ITSN1: variants seen among roughly 807,000 people sequenced by gnomAD.
ITSN1 encodes intersectin-1.
Under a neutral mutation model 239.8 loss-of-function variants are expected in ITSN1, and 58 were observed. The ratio of observed to expected loss-of-function variants is 0.24; its 90% CI spans 0.20 to 0.30. The LOEUF is 0.30. Among genes scored for constraint, ITSN1 ranks in the 10% least tolerant of loss-of-function variants. ITSN1 has a pLI of 1.00. For missense variants in ITSN1, 1,558 were observed against 2,103.3 expected (o/e 0.74, Z 5.07); for synonymous variants, 780 against 770.8 (o/e 1.01, Z -0.20).
intron 19 of ITSN1, among the ~76,000 whole-genome samples, chr21:33,802,224 GT>G (rs1178623106): frequency 6.6e-6 from 1 of 152,190 alleles, no homozygotes; most frequent in African/African-American, 2.4e-5. Flanking sequence ...CAGGTGATCT[GT>G]ATCTTAATGA....
chr21:33,694,641 C>T lies in ITSN1; in HGVS notation c.-32-24156C>T, dbSNP rs370744996. On this transcript the variant is annotated intron_variant, in intron 1 of 39. Coordinates refer to ENST00000381318, the MANE Select transcript of ITSN1 (RefSeq NM_003024.3). ...TTCAAAACCAGCCTGGCCAACATGG[C>T]GAAACCCCGTCTCTACTAAAAATAC... Among the ~76,000 whole-genome samples the T allele has an allele frequency of 6.7e-3, 1,019 of 151,962 alleles. 7 individuals are homozygous for T. Among genetic ancestry groups the T allele is most frequent in the Non-Finnish European group, 0.01 (699 of 67,916 alleles).
intron 22 of ITSN1, among the ~76,000 whole-genome samples, chr21:33,815,959 G>A (rs1384250192): frequency 6.6e-6 from 1 of 152,064 alleles, no homozygotes; most frequent in Non-Finnish European, 1.5e-5. Flanking sequence ...AGGCAGGCAG[G>A]TCACCTGAAA....
intron 9 of ITSN1, among the ~76,000 whole-genome samples, chr21:33,762,545 G>A (rs185367815): frequency 6.6e-6 from 1 of 152,136 alleles, no homozygotes; most frequent in Non-Finnish European, 1.5e-5. Context: ...AATTACAGGC[G>A]TGAGCCACCA....
At chr21:33,876,076 CT>C (rs1203357284) in intron 34 of ITSN1, among the ~76,000 whole-genome samples, 1 of 151,508 alleles carries the variant, frequency 6.6e-6, no homozygotes, top group Non-Finnish European at 1.5e-5. Context: ...CTCTTTCTCC[CT>C]TTTTCTTTCC....
At chr21:33,859,139 G>A (rs929592178) in intron 31 of ITSN1, among the ~76,000 whole-genome samples, 1 of 152,150 alleles carries the variant, frequency 6.6e-6, no homozygotes, top group Admixed American at 6.5e-5. Flanking sequence ...GCTTTCCCTC[G>A]GACGCGGGAT....
Position 33,772,195 on chromosome 21 carries a change from A to T in ITSN1, c.1177A>T (p.Arg393Trp). 1 of 1,613,960 alleles carries T rather than the reference A, an allele frequency of 6.2e-7. No individual in the cohort carries two copies. Among genetic ancestry groups the T allele is most frequent in the Non-Finnish European group, 8.5e-7 (1 of 1,179,924 alleles). Residue 393 changes from arginine to tryptophan, a missense_variant, in exon 12 of 40, where the codon AGG becomes TGG. Physicochemically the swap from Arg to Trp is moderately radical, Grantham distance 101. Transcript: ENST00000381318. The part of the protein sequence containing the change: ...LAQLERAEQE[R>W]KERERQEQER... ...CCAGCTGGAGCGGGCGGAGCAGGAG[A>T]GGAAGGAGCGTGAGCGCCAGGAGCA...
chr21:33,666,733 T>C (rs1017281855), intron 1 of ITSN1, among the ~76,000 whole-genome samples: 1 of 152,240 alleles, frequency 6.6e-6, no homozygotes, highest in African/African-American at 2.4e-5. Context: ...CCTTATGACC[T>C]TTTCAAAGGG....
At chr21:33,755,715 G>C (rs138075153) in intron 8 of ITSN1, among the ~76,000 whole-genome samples, 17 of 152,312 alleles carry the variant, frequency 1.1e-4, no homozygotes, top group Admixed American at 7.2e-4. Flanking sequence ...CTGAAGTCCA[G>C]CTTTGAACTT....
At chr21:33,796,714 G>A (rs1569198345) in intron 17 of ITSN1, among the ~76,000 whole-genome samples, 1 of 152,170 alleles carries the variant, frequency 6.6e-6, no homozygotes. Context: ...GCAGTTTAAA[G>A]GAGTTAATAT....
chr21:33,669,433 T>C (rs1329608381), intron 1 of ITSN1, among the ~76,000 whole-genome samples: 1 of 149,322 alleles, frequency 6.7e-6, no homozygotes, highest in Non-Finnish European at 1.5e-5. Context: ...CAATACTTTT[T>C]TCATTTAAGT....
chr21:33,811,041 T>C lies in ITSN1; in HGVS notation c.2386T>C (p.Phe796Leu). The part of the protein sequence containing the change: ...GGELKGKTGW[F>L]PANYAEKIPE... Reference sequence around the variant, plus strand: ...AGAATTAAAAGGAAAGACAGGGTGGTTCCCTGCAAACTATGCAGAGAAAAT... The same window carrying C: ...AGAATTAAAAGGAAAGACAGGGTGGCTCCCTGCAAACTATGCAGAGAAAAT... Residue 796 changes from phenylalanine (F) to leucine (L), a missense_variant, in exon 21 of 40, where the codon TTC becomes CTC. By Grantham distance (22) the Phe-to-Leu change is conservative. Transcript: ENST00000381318. 1 of 1,614,096 alleles carries C rather than the reference T, an allele frequency of 6.2e-7. No homozygotes were observed. The highest frequency in any genetic ancestry group is 8.5e-7 in the Non-Finnish European group (1 of 1,180,002).
chr21:33,874,112 C>G (rs1434614516), intron 33 of ITSN1, among the ~76,000 whole-genome samples: 1 of 146,076 alleles, frequency 6.8e-6, no homozygotes, highest in Non-Finnish European at 1.5e-5. Context: ...GCCGAGATAG[C>G]GCCACTGCAT....
At chr21:33,861,964 T>A (rs374771394) in intron 31 of ITSN1, among the ~76,000 whole-genome samples, 29 of 19,534 alleles carry the variant, frequency 1.5e-3, no homozygotes, top group Admixed American at 2.4e-3. Flanking sequence ...AATAAATAAA[T>A]AAATAAAAAA....
At position 33,865,298 on chromosome 21, in the gene ITSN1, G is replaced by A. The variant is rs779781593; in HGVS notation, c.4038G>A (p.Lys1346=). 1.9e-6 allele frequency: 3 copies of A among 1,589,198 alleles called. No individual in the cohort carries two copies. The South Asian group carries it at 3.4e-5, about 18-fold the overall frequency. Reference sequence around the variant, plus strand: ...ACGGGGCTGCCCTGATCCAGCAGAAGACGGATGAGGCCCCAGACTTCAAGG... The same window carrying A: ...ACGGGGCTGCCCTGATCCAGCAGAAAACGGATGAGGCCCCAGACTTCAAGG... ...QLNGAALIQQ[K]TDEAPDFKEF... Residue 1346 remains lysine, a synonymous_variant, in exon 32 of 40, where the codon AAG becomes AAA. Coordinates refer to ENST00000381318, the MANE Select transcript of ITSN1 (RefSeq NM_003024.3). This position sits in a 1 kb window ranked among gnomAD's most constrained non-coding sequence, Gnocchi z 4.4.
intron 1 of ITSN1, among the ~76,000 whole-genome samples, chr21:33,686,769 T>C (rs2091261871): frequency 6.6e-6 from 1 of 152,166 alleles, no homozygotes; most frequent in African/African-American, 2.4e-5. Context: ...CAAAATGAGG[T>C]CCTGCATGTT....
At chr21:33,768,844 T>C (rs1399728820) in intron 11 of ITSN1, among the ~76,000 whole-genome samples, 1 of 152,236 alleles carries the variant, frequency 6.6e-6, no homozygotes, top group Non-Finnish European at 1.5e-5. Context: ...TGAAATACTA[T>C]TGGAAATATT....
At position 33,642,604 on chromosome 21, in the gene ITSN1, A is replaced by AG. The variant is rs1198953679; in HGVS notation, c.-140dup. ...CGAGCGGGCTCCGGGACGGACAGAG[A>AG]GGCGGGCGGGGATGGTGTGCGGGGC... On this transcript the variant is annotated 5_prime_UTR_variant, in exon 1 of 40. Transcript: ENST00000381318. 4.6e-5 allele frequency: 7 copies of AG among 152,230 alleles called. No individual in the cohort carries two copies. Among genetic ancestry groups the AG allele is most frequent in the Non-Finnish European group, 4.4e-5 (3 of 68,196 alleles). 9.4% of individuals were successfully genotyped at this position (152,230 alleles called of 1,614,324 possible). A position where few individuals can be genotyped will look rare whatever the true frequency, so the allele number is the denominator to read the frequency against.
At chr21:33,864,272 A>T (rs1171602040) in intron 31 of ITSN1, among the ~76,000 whole-genome samples, 1 of 152,160 alleles carries the variant, frequency 6.6e-6, no homozygotes, top group Non-Finnish European at 1.5e-5. Flanking sequence ...TCCACCCATG[A>T]TCACTAACTA....
intron 4 of ITSN1, among the ~76,000 whole-genome samples, chr21:33,723,624 A>AG (rs2065637991): frequency 6.6e-6 from 1 of 152,148 alleles, no homozygotes; most frequent in Admixed American, 6.5e-5. Flanking sequence ...CAAAAAAAAA[A>AG]GAGCATGTGA....
Sources: gnomAD v4.1 joint callset for allele counts (sites outside exome capture counted in the v4.1 genomes callset) on GRCh38, gnomAD v4.1.1 for gene constraint, Gnocchi (gnomAD v3.1) non-coding constraint, MANE v1.5 for transcripts, NCBI Gene and HGNC (gene_info 2026-07-23, HGNC 2026-07-21) for gene names.